The following WDR25 variants were observed in gnomAD, a reference collection of about 807,000 sequenced individuals.
The protein encoded by WDR25 is WD repeat domain 25, also known as WD repeat-containing protein 25.
A neutral mutation model predicts 47.7 loss-of-function variants in WDR25; 35 were observed. The ratio of observed to expected loss-of-function variants is 0.73; its 90% CI spans 0.56 to 0.97. WDR25 has a LOEUF of 0.97. Among genes scored for constraint, WDR25 ranks in the 50% least tolerant of loss-of-function variants. The probability of loss-of-function intolerance (pLI) is 0.00; values close to 1 mark genes in which losing one functional copy is unlikely to be tolerated. For missense variants in WDR25, 634 were observed against 704.7 expected (o/e 0.90, Z 1.14); for synonymous variants, 248 against 278.9 (o/e 0.89, Z 1.10).
At chr14:100,456,362 T>G (rs2140275626) in intron 2 of WDR25, among the ~76,000 whole-genome samples, 1 of 152,146 alleles carries the variant, frequency 6.6e-6, no homozygotes, top group African/African-American at 2.4e-5. Flanking sequence ...AAATAAAGAT[T>G]ACAAAACATG....
intron 4 of WDR25, among the ~76,000 whole-genome samples, chr14:100,495,681 T>C (rs6575784): frequency 0.56 from 85,316 of 152,124 alleles, 27,641 homozygotes; most frequent in African/African-American, 0.89. Context: ...GTGGTTTGCC[T>C]TACGATCTCA....
chr14:100,418,773 G>C (rs952309722), intron 2 of WDR25, among the ~76,000 whole-genome samples: 3 of 152,076 alleles, frequency 2.0e-5, no homozygotes, highest in Non-Finnish European at 2.9e-5. Flanking sequence ...TGGCGGGGGG[G>C]GGTCCTACTC....
intron 5 of WDR25, among the ~76,000 whole-genome samples, chr14:100,528,403 C>T (rs2030290773): frequency 6.6e-6 from 1 of 151,730 alleles, no homozygotes; most frequent in South Asian, 2.1e-4. Context: ...CTGTTTGTCA[C>T]ATCTCTGCGC....
chr14:100,395,871 G>A (rs979054850), intron 2 of WDR25, among the ~76,000 whole-genome samples: 5 of 152,128 alleles, frequency 3.3e-5, no homozygotes, highest in African/African-American at 1.2e-4. Context: ...GCATCCCTGT[G>A]GGGATTCGGG....
Position 100,381,213 on chromosome 14 carries a change from C to T in WDR25, c.289C>T (p.Gln97Ter). The change falls in exon 2 of 7, where the codon CAG becomes TAG. Residue 97 changes from glutamine (Q) to a stop codon, truncating the protein, a stop_gained. Coordinates refer to ENST00000402312, the MANE Select transcript of WDR25 (RefSeq NM_001161476.3). LOFTEE classifies it high-confidence loss of function. ...GGGATCTTGCCCCAGCCAGAGGCTACAGTGGCCCGGGAAGGAGCCTCAAGT... is the reference window on the plus strand; with the variant it reads ...GGGATCTTGCCCCAGCCAGAGGCTATAGTGGCCCGGGAAGGAGCCTCAAGT... ...DWGSCPSQRL[Q>*]WPGKEPQVTF... 1 of 1,614,104 alleles carries T rather than the reference C, an allele frequency of 6.2e-7. No individual in the cohort carries two copies. Among genetic ancestry groups the T allele is most frequent in the Non-Finnish European group, 8.5e-7 (1 of 1,180,032 alleles).
At chr14:100,431,464 A>T (rs920624106) in intron 2 of WDR25, among the ~76,000 whole-genome samples, 1 of 152,224 alleles carries the variant, frequency 6.6e-6, no homozygotes, top group African/African-American at 2.4e-5. Flanking sequence ...AACTGAATTA[A>T]TATTGAGGAT....
chr14:100,432,679 AGT>A (rs761347642), intron 2 of WDR25, among the ~76,000 whole-genome samples: 8 of 152,230 alleles, frequency 5.3e-5, no homozygotes, highest in Non-Finnish European at 2.9e-5. Flanking sequence ...CAAATATTTC[AGT>A]GTGTGTTTCC....
chr14:100,464,309 G>A (rs1200699965), intron 2 of WDR25, among the ~76,000 whole-genome samples: 2 of 152,058 alleles, frequency 1.3e-5, no homozygotes, highest in African/African-American at 4.8e-5. Flanking sequence ...GTCCTCCCTG[G>A]CCACCATTTC....
At chr14:100,456,020 T>C (rs759096339) in intron 2 of WDR25, among the ~76,000 whole-genome samples, 4 of 152,146 alleles carry the variant, frequency 2.6e-5, no homozygotes, top group Admixed American at 6.6e-5. Context: ...TCTTTAAAGA[T>C]AGGAAACTAG....
At chr14:100,519,485 A>G (rs1232404644) in intron 4 of WDR25, among the ~76,000 whole-genome samples, 1 of 151,560 alleles carries the variant, frequency 6.6e-6, no homozygotes, top group Non-Finnish European at 1.5e-5. Flanking sequence ...TGCATACTTC[A>G]TCTCTTGAAG....
intron 2 of WDR25, among the ~76,000 whole-genome samples, chr14:100,401,170 C>T (rs757905898): frequency 3.7e-4 from 56 of 152,298 alleles, no homozygotes; most frequent in African/African-American, 1.2e-3. Context: ...CGGGGCGCGT[C>T]GGCGGCTGCT....
chr14:100,462,631 C>A (rs1206473669), intron 2 of WDR25, among the ~76,000 whole-genome samples: 1 of 152,190 alleles, frequency 6.6e-6, no homozygotes, highest in Non-Finnish European at 1.5e-5. Context: ...TGATGGATCT[C>A]CTTACATGTT....
intron 2 of WDR25, among the ~76,000 whole-genome samples, chr14:100,383,788 G>A (rs992615043): frequency 1.3e-5 from 2 of 152,258 alleles, no homozygotes; most frequent in Non-Finnish European, 2.9e-5. Flanking sequence ...CACTGGGGAC[G>A]TGGGGGGAGA....
intron 2 of WDR25, among the ~76,000 whole-genome samples, chr14:100,448,707 A>G (rs1482334263): frequency 6.6e-6 from 1 of 152,076 alleles, no homozygotes. Flanking sequence ...ATAAAAATGC[A>G]TTGTTTCTTT....
chr14:100,484,412 G>T (rs2140320789), intron 4 of WDR25, among the ~76,000 whole-genome samples: 1 of 152,182 alleles, frequency 6.6e-6, no homozygotes, highest in South Asian at 2.1e-4. Context: ...AATCTGCTGG[G>T]TTACTCAAGG....
intron 2 of WDR25, chr14:100,382,259 A>T (rs1896921994): frequency 1.5e-6 from 1 of 687,228 alleles, no homozygotes; most frequent in African/African-American, 1.8e-5. Flanking sequence ...AGTAGGACAC[A>T]CAGGTGCTCT....
chr14:100,466,835 C>A (rs1899646844), intron 2 of WDR25, among the ~76,000 whole-genome samples: 1 of 152,228 alleles, frequency 6.6e-6, no homozygotes, highest in Non-Finnish European at 1.5e-5. Flanking sequence ...GGGACTAGCA[C>A]TGCTGAGTAC....
chr14:100,399,315 C>A (rs1394173675), intron 2 of WDR25, among the ~76,000 whole-genome samples: 1 of 152,210 alleles, frequency 6.6e-6, no homozygotes, highest in Non-Finnish European at 1.5e-5. Context: ...GATAGATGCA[C>A]ATCTGTAGGT....
rs930600339 is a variant in WDR25 at position 100,468,174 on chromosome 14, T to C, written c.970+6T>C. 5 of 1,609,730 alleles carry C rather than the reference T, an allele frequency of 3.1e-6. No individual in the cohort carries two copies. The highest frequency in any genetic ancestry group is 3.4e-6 in the Non-Finnish European group (4 of 1,178,030). On this transcript the variant is annotated splice_donor_region_variant and intron_variant, in intron 3 of 6. Transcript: ENST00000402312. This position sits in a 1 kb window ranked among gnomAD's most constrained non-coding sequence, Gnocchi z 4.5. ...CCTAACAGACCTTGAAACAGGTGCGTTTCTTGTGTCACCTCCCTGAGGTGA... is the reference window on the plus strand; with the variant it reads ...CCTAACAGACCTTGAAACAGGTGCGCTTCTTGTGTCACCTCCCTGAGGTGA...
Sources: gnomAD v4.1 joint callset for allele counts (sites outside exome capture counted in the v4.1 genomes callset) on GRCh38, gnomAD v4.1.1 for gene constraint, Gnocchi (gnomAD v3.1) non-coding constraint, MANE v1.5 for transcripts, NCBI Gene and HGNC (gene_info 2026-07-23, HGNC 2026-07-21) for gene names.